The following ADCY2 variants were observed in gnomAD, a reference collection of about 807,000 sequenced individuals.
ADCY2 encodes the protein adenylate cyclase type 2.
In ADCY2, 31 loss-of-function variants were observed where a neutral mutation model predicts 125.2. The ratio of observed to expected loss-of-function variants is 0.25; its 90% CI spans 0.19 to 0.33. ADCY2 has a LOEUF of 0.33. Ranked by LOEUF, ADCY2 falls within the 10% of genes least tolerant of loss-of-function variation. The pLI, the probability that ADCY2 is intolerant of heterozygous loss-of-function variation, is 1.00. For synonymous variants in ADCY2, 512 were observed against 548.4 expected, an observed-to-expected ratio of 0.93 and a Z score of 0.93; for missense variants, 904 against 1,418.2, an observed-to-expected ratio of 0.64 and a Z score of 5.82.
chr5:7,738,379 C>G (rs1742308483), intron 14 of ADCY2, among the ~76,000 whole-genome samples: 1 of 151,682 alleles, frequency 6.6e-6, no homozygotes, highest in Non-Finnish European at 1.5e-5. Context: ...ATGAAAAATA[C>G]TTTTAAATAT....
chr5:7,635,250 A>C (rs532815719), intron 4 of ADCY2, among the ~76,000 whole-genome samples: 1 of 152,254 alleles, frequency 6.6e-6, no homozygotes, highest in East Asian at 1.9e-4. Flanking sequence ...TCTAGCTCCT[A>C]GTAGAGGATG....
intron 7 of ADCY2, among the ~76,000 whole-genome samples, chr5:7,704,087 G>C (rs1266262301): frequency 6.6e-6 from 1 of 151,912 alleles, no homozygotes; most frequent in Non-Finnish European, 1.5e-5. Flanking sequence ...TCCAGGAATT[G>C]TTTGTCCACT....
intron 2 of ADCY2, among the ~76,000 whole-genome samples, chr5:7,511,591 T>C (rs1367042499): frequency 6.6e-6 from 1 of 150,492 alleles, no homozygotes; most frequent in Non-Finnish European, 1.5e-5. Context: ...GAAAAAAAAA[T>C]GTAGTGTGAT....
intron 6 of ADCY2, among the ~76,000 whole-genome samples, chr5:7,697,983 A>T (rs1026315218): frequency 6.6e-6 from 1 of 152,176 alleles, no homozygotes; most frequent in Non-Finnish European, 1.5e-5. Context: ...CTCTGCTTCT[A>T]TGAAGTGTAA....
intron 12 of ADCY2, 120 bp from the exon 13 acceptor site, chr5:7,724,425 T>A (rs1039329942): frequency 3.9e-5 from 27 of 690,910 alleles, no homozygotes; most frequent in South Asian, 1.0e-4. Context: ...TTTTTTTTTT[T>A]AAATGCTGTT....
intron 18 of ADCY2, among the ~76,000 whole-genome samples, 167 bp downstream of exon 18, chr5:7,773,268 A>G (rs1257226585): frequency 2.0e-5 from 3 of 152,252 alleles, no homozygotes; most frequent in African/African-American, 7.2e-5. Context: ...TGTTTTTGTT[A>G]TAGATTACAT....
chr5:7,531,269 C>G (rs1478655001), intron 3 of ADCY2, among the ~76,000 whole-genome samples: 1 of 152,238 alleles, frequency 6.6e-6, no homozygotes, highest in South Asian at 2.1e-4. Flanking sequence ...ACCCAGGCGA[C>G]CTGGAGGGCC....
chr5:7,762,836 A>G (rs779894325), intron 16 of ADCY2, among the ~76,000 whole-genome samples: 10 of 152,026 alleles, frequency 6.6e-5, no homozygotes, highest in Non-Finnish European at 8.8e-5. Context: ...TCGGACTCAC[A>G]TTTCAGCAAG....
intron 2 of ADCY2, among the ~76,000 whole-genome samples, chr5:7,430,398 A>G (rs1334302150): frequency 6.6e-6 from 1 of 151,906 alleles, no homozygotes; most frequent in Non-Finnish European, 1.5e-5. Flanking sequence ...CCAAAGAAAG[A>G]AAACTACAGA....
intron 15 of ADCY2, among the ~76,000 whole-genome samples, chr5:7,754,772 G>A (rs1361894003): frequency 2.6e-5 from 4 of 151,876 alleles, no homozygotes; most frequent in East Asian, 1.9e-4. Context: ...CAGGAGAATC[G>A]CTTGAACCTA....
intron 3 of ADCY2, among the ~76,000 whole-genome samples, chr5:7,572,666 G>A (rs908793626): frequency 6.6e-5 from 10 of 152,168 alleles, no homozygotes; most frequent in African/African-American, 2.2e-4. Flanking sequence ...TTTTGCTTTC[G>A]TTGCAATTAC....
intron 4 of ADCY2, among the ~76,000 whole-genome samples, chr5:7,660,187 A>G (rs1739472092): frequency 1.4e-5 from 2 of 147,518 alleles, no homozygotes; most frequent in African/African-American, 2.5e-5. Context: ...ACTCAAAATA[A>G]AAGTGGAAAA....
In ADCY2 at chr5:7,747,423, C is replaced by T. The variant is rs1021400758; in HGVS notation, c.1956+3671C>T. Reference sequence around the variant, plus strand: ...TCCTTTCTTACTTTCTCCTCTCATCCGGCTCTGGTTAGCACTCCCTCATCT... The same window carrying T: ...TCCTTTCTTACTTTCTCCTCTCATCTGGCTCTGGTTAGCACTCCCTCATCT... On this transcript the variant is annotated intron_variant, in intron 15 of 24. Transcript: ENST00000338316. 3.9e-5 allele frequency among the ~76,000 whole-genome samples: 6 copies of T among 152,136 alleles called. No homozygotes were observed. The South Asian group carries it at 1.2e-3, about 32-fold the overall frequency.
In ADCY2 at chr5:7,706,932, A is replaced by G. The variant is rs750972768; in HGVS notation, c.1268+30A>G. 3 of 1,612,852 alleles carry G rather than the reference A, an allele frequency of 1.9e-6. No homozygotes were observed. The African/African-American group carries it at 4.0e-5, about 22-fold the overall frequency. On this transcript the variant is annotated intron_variant, in intron 8 of 24. Coordinates refer to ENST00000338316, the MANE Select transcript of ADCY2 (RefSeq NM_020546.3). The stretch of plus-strand genomic sequence containing the variant: ...GGCCAAGCATTGGATTTCTTTCTTC[A>G]AGCAGGCAGAACTATTAGGAATGAC...
chr5:7,701,606 A>AT (rs1741080796), intron 7 of ADCY2, among the ~76,000 whole-genome samples: 1 of 152,196 alleles, frequency 6.6e-6, no homozygotes, highest in Non-Finnish European at 1.5e-5. Flanking sequence ...GAACCTTTTC[A>AT]TCACCCCAGA....
At chr5:7,740,139 A>G (rs577200214) in intron 14 of ADCY2, among the ~76,000 whole-genome samples, 1 of 152,124 alleles carries the variant, frequency 6.6e-6, no homozygotes, top group South Asian at 2.1e-4. Flanking sequence ...TAAAATGAGA[A>G]AGGTTGGAAA....
intron 2 of ADCY2, among the ~76,000 whole-genome samples, chr5:7,486,231 T>G (rs964562707): frequency 6.6e-6 from 1 of 152,222 alleles, no homozygotes; most frequent in Admixed American, 6.5e-5. Context: ...AGTATCGTAA[T>G]AGTCAAAGTT....
intron 3 of ADCY2, among the ~76,000 whole-genome samples, chr5:7,587,987 G>C (rs1007522105): frequency 6.6e-6 from 1 of 152,056 alleles, no homozygotes; most frequent in Non-Finnish European, 1.5e-5. Flanking sequence ...AAAGAAAAAA[G>C]CTGTAAGTAT....
At chr5:7,601,135 G>A (rs748594752) in intron 3 of ADCY2, among the ~76,000 whole-genome samples, 6 of 152,080 alleles carry the variant, frequency 3.9e-5, no homozygotes, top group Non-Finnish European at 7.4e-5. Flanking sequence ...ACTCAGTCCC[G>A]TCTTTCCCAG....
Sources: allele counts gnomAD v4.1 joint callset (sites outside exome capture counted in the v4.1 genomes callset), GRCh38; gene constraint gnomAD v4.1.1; transcripts MANE v1.5; gene names NCBI Gene and HGNC (gene_info 2026-07-23, HGNC 2026-07-21).